COL4A6: variants seen among roughly 807,000 people sequenced by gnomAD.
COL4A6 encodes the protein collagen alpha-6(IV) chain.
Under a neutral mutation model 126.7 loss-of-function variants are expected in COL4A6, and 59 were observed. That is an observed-to-expected ratio of 0.47 (90% CI 0.38 to 0.58). COL4A6 has a LOEUF of 0.58. Ranked by LOEUF, COL4A6 falls within the 20% of genes least tolerant of loss-of-function variation. The probability of loss-of-function intolerance (pLI) is 0.00; values close to 1 mark genes in which losing one functional copy is unlikely to be tolerated. For missense variants in COL4A6, 1,285 were observed against 1,337.3 expected (o/e 0.96, Z 0.61); for synonymous variants, 547 against 496.6 (o/e 1.10, Z -1.35).
At chrX:108,300,364 CTCTGTG>C (rs1444971399) in intron 3 of COL4A6, among the ~76,000 whole-genome samples, 3 of 96,843 alleles carry the variant, frequency 3.1e-5, no homozygotes, top group East Asian at 3.9e-4. Flanking sequence ...CTCTCTCTCT[CTCTGTG>C]TGTGTGTGTG....
chrX:108,374,219 G>A (rs186033911), intron 2 of COL4A6, among the ~76,000 whole-genome samples: 52 of 112,125 alleles, frequency 4.6e-4, no homozygotes, highest in Non-Finnish European at 9.6e-4. Flanking sequence ...CATTTTTGCC[G>A]TAGCAAAATG....
rs771546562 is a variant in COL4A6 at position 108,269,487 on chromosome X, G to C, written c.144+41261C>G. ...GCTCAAATCTTTTCAAGCTAGATTT[G>C]AGCAACTCGGTCTAAAATTTGACTC... On this transcript the variant is annotated intron_variant, in intron 3 of 44. Transcript: ENST00000334504. 2.7e-5 allele frequency among the ~76,000 whole-genome samples: 3 copies of C among 111,417 alleles called. No homozygotes were observed. The South Asian group carries it at 1.2e-3, about 43-fold the overall frequency.
intron 29 of COL4A6, 128 bp from the exon 30 acceptor site, chrX:108,175,343 C>A: frequency 2.5e-6 from 2 of 798,725 alleles, no homozygotes; most frequent in Non-Finnish European, 3.5e-6. Flanking sequence ...TTATTCCCCA[C>A]CCCTATTCCC....
At chrX:108,195,237 A>G in intron 14 of COL4A6, 111 bp from the exon 15 acceptor site, 1 of 580,154 alleles carries the variant, frequency 1.7e-6, no homozygotes, top group East Asian at 3.4e-5. Context: ...CAGCTCCTAA[A>G]ATCAGGTAAG....
intron 23 of COL4A6, among the ~76,000 whole-genome samples, chrX:108,186,449 G>C (rs1168965962): frequency 8.9e-6 from 1 of 112,146 alleles, no homozygotes; most frequent in Non-Finnish European, 1.9e-5. Context: ...GTCACTAATG[G>C]AAGCATAGAA....
At chrX:108,434,762 CAA>C (rs1432928612) in intron 2 of COL4A6, among the ~76,000 whole-genome samples, 7 of 105,434 alleles carry the variant, frequency 6.6e-5, no homozygotes, top group African/African-American at 1.7e-4. Flanking sequence ...TTAGTCATCC[CAA>C]GATATATATA....
intron 23 of COL4A6, among the ~76,000 whole-genome samples, chrX:108,185,237 C>A (rs917270989): frequency 1.8e-5 from 2 of 109,877 alleles, no homozygotes; most frequent in South Asian, 4.0e-4. Context: ...ACTAAAAATT[C>A]GAAAATTATC....
At chrX:108,293,340 C>A (rs950864694) in intron 3 of COL4A6, among the ~76,000 whole-genome samples, 3 of 111,580 alleles carry the variant, frequency 2.7e-5, no homozygotes, top group Non-Finnish European at 5.6e-5. Flanking sequence ...AAGCCCTTAG[C>A]AAAGTGTCTC....
At chrX:108,395,961 T>C (rs2040954426) in intron 2 of COL4A6, among the ~76,000 whole-genome samples, 1 of 111,814 alleles carries the variant, frequency 8.9e-6, no homozygotes, top group Non-Finnish European at 1.9e-5. Flanking sequence ...CTGTTCACTT[T>C]GGACATTCTA....
At chrX:108,243,969 A>T (rs2036645987) in intron 3 of COL4A6, among the ~76,000 whole-genome samples, 1 of 111,923 alleles carries the variant, frequency 8.9e-6, no homozygotes, top group African/African-American at 3.2e-5. Flanking sequence ...CAGCGGTCAC[A>T]TTTTCTCTTT....
At chrX:108,198,889 C>T (rs1364157736) in intron 13 of COL4A6, among the ~76,000 whole-genome samples, 1 of 111,155 alleles carries the variant, frequency 9.0e-6, no homozygotes, top group African/African-American at 3.3e-5. Flanking sequence ...TCTCTTATCC[C>T]TCCCCTCATC....
At chrX:108,391,417 C>T (rs1406350308) in intron 2 of COL4A6, among the ~76,000 whole-genome samples, 5 of 111,697 alleles carry the variant, frequency 4.5e-5, no homozygotes, top group African/African-American at 1.6e-4. Context: ...TCTAGAGAGG[C>T]AGGAGGCCTT....
chrX:108,309,271 A>G (rs2038702055), intron 3 of COL4A6, among the ~76,000 whole-genome samples: 2 of 110,583 alleles, frequency 1.8e-5, no homozygotes, highest in South Asian at 8.1e-4. Flanking sequence ...CTTGGTGGCT[A>G]CAGTGAACAT....
Sources: gnomAD v4.1 joint callset for allele counts (sites outside exome capture counted in the v4.1 genomes callset) on GRCh38, gnomAD v4.1.1 for gene constraint, MANE v1.5 for transcripts, NCBI Gene and HGNC (gene_info 2026-07-23, HGNC 2026-07-21) for gene names.